Variants in PCDHA6 observed in about 807,000 individuals in gnomAD.
The protein encoded by PCDHA6 is protocadherin alpha 6.
PCDHA6 carries 55 observed loss-of-function variants against 60.3 expected under a neutral mutation model. The ratio of observed to expected loss-of-function variants is 0.91; its 90% CI spans 0.73 to 1.14. The LOEUF is 1.14. Among genes scored for constraint, PCDHA6 ranks in the 50% most tolerant of loss-of-function variants. The pLI, the probability that PCDHA6 is intolerant of heterozygous loss-of-function variation, is 0.00. For missense variants in PCDHA6, 1,327 were observed against 1,256.5 expected (o/e 1.06, Z -0.85); for synonymous variants, 652 against 557.9 (o/e 1.17, Z -2.38).
rs1256665914 is a variant in PCDHA6 at position 140,917,331 on chromosome 5, G to A, written c.2395-61618G>A. On this transcript the variant is annotated intron_variant, in intron 1 of 3. Transcript: ENST00000529310. ...AATTTGGTGTTCATGTGGCGGGGGA[G>A]GGGGGGGATGGTGTAGGCTTCTGTT... Among the ~76,000 whole-genome samples the A allele has an allele frequency of 5.8e-5, 8 of 137,654 alleles. 1 individual carries two copies. The East Asian group carries it at 6.7e-4, about 12-fold the overall frequency. 90.3% of individuals were successfully genotyped at this position (137,654 alleles called of 152,430 possible).
At chr5:140,982,127 C>G (rs1367393953) in intron 2 of PCDHA6, among the ~76,000 whole-genome samples, 1 of 152,244 alleles carries the variant, frequency 6.6e-6, no homozygotes, top group Non-Finnish European at 1.5e-5. Flanking sequence ...CTTTTGAGAA[C>G]AAGCCCTCCT....
rs372034322 is a variant in PCDHA6, at chr5:140,829,146, T to C, written c.1055T>C (p.Leu352Pro). 2 of 1,613,848 alleles carry C rather than the reference T, an allele frequency of 1.2e-6. No homozygotes were observed. The highest frequency in any genetic ancestry group is 1.7e-6 in the Non-Finnish European group (2 of 1,179,696). Residue 352 changes from leucine (L) to proline (P), a missense_variant, in exon 1 of 4, where the codon CTG becomes CCG. Coordinates refer to ENST00000529310, the MANE Select transcript of PCDHA6 (RefSeq NM_018909.4). Reference sequence around the variant, plus strand: ...AATGATAACGTCCCTGAGATAGCACTGACTTCCTTATCCTTGCCTGTACGT... The same window carrying C: ...AATGATAACGTCCCTGAGATAGCACCGACTTCCTTATCCTTGCCTGTACGT... ...DKNDNVPEIA[L>P]TSLSLPVRED...
chr5:140,969,198 C>T lies in PCDHA6; in HGVS notation c.2395-9751C>T, dbSNP rs2096305688. ...AGTGACACTTTCATGTTTTACAATA[C>T]AGGGGCCCAGACAGGACCAGGGCCT... On this transcript the variant is annotated intron_variant, in intron 1 of 3. Coordinates refer to ENST00000529310, the MANE Select transcript of PCDHA6 (RefSeq NM_018909.4). 1 of 1,614,166 alleles carries T rather than the reference C, an allele frequency of 6.2e-7. No individual in the cohort carries two copies. Among genetic ancestry groups the T allele is most frequent in the Non-Finnish European group, 8.5e-7 (1 of 1,180,032 alleles).
intron 1 of PCDHA6, among the ~76,000 whole-genome samples, chr5:140,839,198 C>A (rs1030704020): frequency 1.9e-5 from 2 of 106,890 alleles, no homozygotes; most frequent in African/African-American, 9.0e-5. Context: ...CTATAAATAT[C>A]TTTGACCTTC....
intron 1 of PCDHA6, among the ~76,000 whole-genome samples, chr5:140,905,614 A>T (rs1167406063): frequency 6.6e-6 from 1 of 152,094 alleles, no homozygotes; most frequent in Non-Finnish European, 1.5e-5. Flanking sequence ...GAATCTATAG[A>T]TTGCTTTTGA....
intron 1 of PCDHA6, chr5:140,884,293 GC>G: frequency 6.2e-7 from 1 of 1,613,666 alleles, no homozygotes; most frequent in Non-Finnish European, 8.5e-7. Flanking sequence ...GCGGCCAAGC[GC>G]CACAGGCTTC....
At chr5:140,932,755 GA>G (rs1554209056) in intron 1 of PCDHA6, among the ~76,000 whole-genome samples, 4 of 151,730 alleles carry the variant, frequency 2.6e-5, no homozygotes, top group Non-Finnish European at 5.9e-5. Context: ...AAAAAGGAAA[GA>G]AAAAGAACAT....
At position 140,830,375 on chromosome 5, in the gene PCDHA6, G is replaced by C; in HGVS notation, c.2284G>C (p.Glu762Gln). ...QQRRQRVCSG[E>Q]GPPKMDLMAF... ...GAGGCGGCAGAGGGTGTGCTCCGGG[G>C]AGGGCCCACCCAAGATGGATCTCAT... Residue 762 changes from glutamate to glutamine, a missense_variant, in exon 1 of 4, where the codon GAG (glutamate) becomes CAG (glutamine). By Grantham distance (29) the Glu-to-Gln change is conservative. Transcript: ENST00000529310. 1 of 1,614,172 alleles carries C rather than the reference G, an allele frequency of 6.2e-7. No individual in the cohort carries two copies. The highest frequency in any genetic ancestry group is 8.5e-7 in the Non-Finnish European group (1 of 1,180,012).
At chr5:140,843,025 T>G in intron 1 of PCDHA6, 1 of 1,595,056 alleles carries the variant, frequency 6.3e-7, no homozygotes. Context: ...TGCTGGAGCC[T>G]CGGGTGGGTG....
At chr5:140,842,682 C>G in intron 1 of PCDHA6, 1 of 1,595,358 alleles carries the variant, frequency 6.3e-7, no homozygotes. Context: ...AATGCTCCGG[C>G]GTTCGCGCAG....
intron 1 of PCDHA6, chr5:140,876,879 G>T (rs782299548): frequency 6.2e-7 from 1 of 1,614,150 alleles, no homozygotes; most frequent in Non-Finnish European, 8.5e-7. Context: ...AGAACAACCC[G>T]CCGGGCTGCC....
chr5:140,835,745 G>T (rs781786218), intron 1 of PCDHA6: 2 of 1,613,472 alleles, frequency 1.2e-6, no homozygotes, highest in Non-Finnish European at 1.7e-6. Flanking sequence ...ACGCCCCGGC[G>T]TTCGCGCAGC....
chr5:141,006,429 G>C (rs541690957), intron 3 of PCDHA6, among the ~76,000 whole-genome samples: 7 of 152,004 alleles, frequency 4.6e-5, no homozygotes, highest in Non-Finnish European at 1.0e-4. Flanking sequence ...TAGCCAGGAT[G>C]GTCTCAATCT....
Position 140,851,014 on chromosome 5 carries a change from T to G in PCDHA6, c.2394+20529T>G, listed in dbSNP as rs982386368. 9 of 1,434,762 alleles carry G rather than the reference T, an allele frequency of 6.3e-6. No individual in the cohort carries two copies. In the East Asian group the frequency reaches 2.2e-4, roughly 35 times the overall value. The allele number at this position is 1,434,762 out of a possible 1,614,324, so 88.9% of individuals were successfully genotyped here. On this transcript the variant is annotated intron_variant, in intron 1 of 3. Coordinates refer to ENST00000529310, the MANE Select transcript of PCDHA6 (RefSeq NM_018909.4). ...CTAGAAATCCAGCAGATTTTTTTTC[T>G]GATAAAGTAAACCCCTTAACATTGG... is the stretch of plus-strand genomic sequence containing the variant.
At chr5:140,870,201 G>A in intron 1 of PCDHA6, 2 of 1,614,140 alleles carry the variant, frequency 1.2e-6, no homozygotes, top group Non-Finnish European at 8.5e-7. Context: ...AGCCCAGCAC[G>A]GTCATTGCCC....
intron 1 of PCDHA6, chr5:140,877,889 GT>G: frequency 6.9e-7 from 1 of 1,458,120 alleles, no homozygotes; most frequent in Non-Finnish European, 9.0e-7. Context: ...AAGAACTTCC[GT>G]TTAGGTTATA....
intron 1 of PCDHA6, among the ~76,000 whole-genome samples, chr5:140,890,025 T>G (rs1438426095): frequency 2.0e-5 from 3 of 152,178 alleles, no homozygotes; most frequent in African/African-American, 7.2e-5. Context: ...TGTAGAAGGC[T>G]TCAGGTGACT....
intron 1 of PCDHA6, among the ~76,000 whole-genome samples, chr5:140,913,380 T>C (rs1436602497): frequency 6.6e-6 from 1 of 152,226 alleles, no homozygotes; most frequent in Non-Finnish European, 1.5e-5. Context: ...ATATAGTGGC[T>C]CATCATAGCC....
intron 1 of PCDHA6, chr5:140,850,732 G>A (rs1320738084): frequency 6.3e-7 from 1 of 1,597,840 alleles, no homozygotes; most frequent in Non-Finnish European, 8.6e-7. Context: ...AGCGCGGTGG[G>A]GAGTTGGTCG....
Sources: allele counts gnomAD v4.1 joint callset (sites outside exome capture counted in the v4.1 genomes callset), GRCh38; gene constraint gnomAD v4.1.1; transcripts MANE v1.5; gene names NCBI Gene and HGNC (gene_info 2026-07-23, HGNC 2026-07-21).